The following ADAMTS3 variants were observed in gnomAD, a reference collection of about 807,000 sequenced individuals.
The protein encoded by ADAMTS3 is ADAM metallopeptidase with thrombospondin type 1 motif 3.
In ADAMTS3, 73 loss-of-function variants were observed where a neutral mutation model predicts 129.0. The observed-to-expected ratio is 0.57, with a 90% confidence interval of 0.47 to 0.69. ADAMTS3 has a LOEUF of 0.69. Ranked by LOEUF, ADAMTS3 falls within the 30% of genes least tolerant of loss-of-function variation. ADAMTS3 has a pLI of 0.00. For synonymous variants in ADAMTS3, 477 were observed against 510.8 expected (o/e 0.93, Z 0.89); for missense variants, 1,457 against 1,514.5 (o/e 0.96, Z 0.63).
intron 21 of ADAMTS3, among the ~76,000 whole-genome samples, chr4:72,284,165 A>G (rs987647877): frequency 6.6e-5 from 10 of 152,222 alleles, no homozygotes; most frequent in African/African-American, 1.9e-4. Context: ...AAAACAAAAC[A>G]AATCTTACAA....
At chr4:72,463,870 A>G (rs1220999486) in intron 3 of ADAMTS3, among the ~76,000 whole-genome samples, 2 of 151,906 alleles carry the variant, frequency 1.3e-5, no homozygotes, top group African/African-American at 2.4e-5. Context: ...GAAAAGGATC[A>G]AGAGCTCTGT....
chr4:72,358,632 T>C (rs1287947659), intron 4 of ADAMTS3, among the ~76,000 whole-genome samples: 1 of 152,020 alleles, frequency 6.6e-6, no homozygotes, highest in Non-Finnish European at 1.5e-5. Context: ...TATAAATCTT[T>C]TATCTGCCAT....
chr4:72,444,403 C>T (rs780313502), intron 3 of ADAMTS3, among the ~76,000 whole-genome samples: 9 of 151,678 alleles, frequency 5.9e-5, no homozygotes, highest in East Asian at 5.9e-4. Context: ...ACATTAAACA[C>T]CTCAGGATAC....
intron 4 of ADAMTS3, among the ~76,000 whole-genome samples, chr4:72,396,580 G>A (rs62318845): frequency 2.8e-3 from 422 of 152,296 alleles, no homozygotes; most frequent in Non-Finnish European, 4.7e-3. Flanking sequence ...AAGCAGGGGA[G>A]ACGATGAGGA....
At chr4:72,471,344 T>A (rs1244041894) in intron 3 of ADAMTS3, among the ~76,000 whole-genome samples, 1 of 152,072 alleles carries the variant, frequency 6.6e-6, no homozygotes, top group African/African-American at 2.4e-5. Context: ...TGACACAATA[T>A]TTTCCAAATG....
chr4:72,468,455 A>C (rs1185386866), intron 3 of ADAMTS3, among the ~76,000 whole-genome samples: 1 of 152,104 alleles, frequency 6.6e-6, no homozygotes, highest in Non-Finnish European at 1.5e-5. Flanking sequence ...GTTCTTCTTA[A>C]AAAATGTATT....
chr4:72,495,543 G>A (rs1719853621), intron 3 of ADAMTS3, among the ~76,000 whole-genome samples: 2 of 152,160 alleles, frequency 1.3e-5, no homozygotes, highest in Admixed American at 6.6e-5. Flanking sequence ...AAGAAAAAAA[G>A]AGACATTATT....
intron 21 of ADAMTS3, among the ~76,000 whole-genome samples, chr4:72,287,388 T>A (rs557364375): frequency 6.9e-6 from 1 of 144,004 alleles, no homozygotes; most frequent in Admixed American, 6.9e-5. Context: ...GAGACAGACA[T>A]ACCAAGTTGG....
Position 72,282,283 on chromosome 4 carries a change from T to A in ADAMTS3, c.*853A>T, listed in dbSNP as rs2109759329. On this transcript the variant is annotated 3_prime_UTR_variant, in exon 22 of 22. Coordinates refer to ENST00000286657, the MANE Select transcript of ADAMTS3 (RefSeq NM_014243.3). Reference sequence around the variant, plus strand: ...GAGGTCCTGGAAAGAGGGTTTCAGTTTTGTCTTGCACGAGTTCATTATTTA... The same window carrying A: ...GAGGTCCTGGAAAGAGGGTTTCAGTATTGTCTTGCACGAGTTCATTATTTA... The A allele has an allele frequency of 6.6e-6, 1 of 152,096 alleles. No individual in the cohort carries two copies. Among genetic ancestry groups the A allele is most frequent in the African/African-American group, 2.4e-5 (1 of 41,360 alleles). The allele number at this position is 152,096 out of a possible 1,614,324, so 9.4% of individuals were successfully genotyped here.
intron 5 of ADAMTS3, among the ~76,000 whole-genome samples, chr4:72,334,181 C>A (rs1313756781): frequency 6.6e-6 from 1 of 152,006 alleles, no homozygotes; most frequent in African/African-American, 2.4e-5. Flanking sequence ...CTCTATCACC[C>A]ATTTGCTCTG....
At chr4:72,315,827 A>G (rs369675304) in intron 11 of ADAMTS3, 31 bp downstream of exon 11, 26 of 1,327,136 alleles carry the variant, frequency 2.0e-5, no homozygotes, top group Non-Finnish European at 2.7e-5. Flanking sequence ...AACATATCTT[A>G]CATATTTATT....
chr4:72,319,463 C>T lies in ADAMTS3; in HGVS notation c.1221G>A (p.Glu407=), dbSNP rs145223158. 2.0e-5 allele frequency: 32 copies of T among 1,612,816 alleles called. No individual in the cohort carries two copies. Among genetic ancestry groups the T allele is most frequent in the Non-Finnish European group, 2.7e-5 (32 of 1,179,678 alleles). Residue 407 remains glutamate (E), a synonymous_variant, in exon 9 of 22, where the codon GAG becomes GAA. Transcript: ENST00000286657. ...CACACCTGTTGCCTTGTCCATCATG[C>T]TCCATTCCCAACCTAGAACACAAAG... The part of the protein sequence containing the change: ...AHETGHVLGM[E]HDGQGNRCGD...
At chr4:72,481,224 G>A (rs1719427342) in intron 3 of ADAMTS3, among the ~76,000 whole-genome samples, 1 of 152,102 alleles carries the variant, frequency 6.6e-6, no homozygotes, top group South Asian at 2.1e-4. Context: ...ATACAGAAAG[G>A]TGGAAGAACT....
At chr4:72,455,171 T>A (rs1718510203) in intron 3 of ADAMTS3, among the ~76,000 whole-genome samples, 1 of 151,662 alleles carries the variant, frequency 6.6e-6, no homozygotes, top group South Asian at 2.1e-4. Context: ...AAAATGATAT[T>A]TCAAAATCAT....
chr4:72,453,285 G>A (rs867056077), intron 3 of ADAMTS3, among the ~76,000 whole-genome samples: 3 of 151,910 alleles, frequency 2.0e-5, no homozygotes, highest in Middle Eastern at 6.8e-3. Context: ...AGAAACAGCT[G>A]TAGTCAGAGA....
At chr4:72,284,564 T>A (rs753649608) in intron 21 of ADAMTS3, among the ~76,000 whole-genome samples, 17 of 152,240 alleles carry the variant, frequency 1.1e-4, no homozygotes, top group Non-Finnish European at 2.2e-4. Context: ...AAATTTCTTA[T>A]GAATAATTCA....
intron 5 of ADAMTS3, among the ~76,000 whole-genome samples, chr4:72,338,140 T>C (rs1364460968): frequency 6.6e-6 from 1 of 152,124 alleles, no homozygotes; most frequent in Non-Finnish European, 1.5e-5. Context: ...CACTTCATCC[T>C]CTCAACATCC....
chr4:72,416,843 C>T (rs180882079), intron 3 of ADAMTS3, among the ~76,000 whole-genome samples: 39 of 152,224 alleles, frequency 2.6e-4, no homozygotes, highest in African/African-American at 8.4e-4. Context: ...CCTTCTCAGG[C>T]ATTAATTAAT....
At chr4:72,518,976 C>G (rs1452256316) in intron 3 of ADAMTS3, among the ~76,000 whole-genome samples, 2 of 151,826 alleles carry the variant, frequency 1.3e-5, no homozygotes, top group Non-Finnish European at 2.9e-5. Flanking sequence ...CGGCTGGTAC[C>G]AGTTGTTCCT....
Sources: gnomAD v4.1 joint callset for allele counts (sites outside exome capture counted in the v4.1 genomes callset) on GRCh38, gnomAD v4.1.1 for gene constraint, MANE v1.5 for transcripts, NCBI Gene and HGNC (gene_info 2026-07-23, HGNC 2026-07-21) for gene names.